The following RPTOR variants were observed in gnomAD, a reference collection of about 807,000 sequenced individuals.
RPTOR encodes the protein regulatory-associated protein of mTOR.
Under a neutral mutation model 169.9 loss-of-function variants are expected in RPTOR, and 21 were observed. The observed-to-expected ratio is 0.12, with a 90% CI of 0.09 to 0.18. The LOEUF (loss-of-function observed/expected upper bound fraction) is 0.18. RPTOR is among the 10% of genes least tolerant of loss of function. The pLI is 1.00. For missense variants in RPTOR, 1,133 were observed against 1,855.9 expected, an observed-to-expected ratio of 0.61 and a Z score of 7.16; for synonymous variants, 732 against 753.2, an observed-to-expected ratio of 0.97 and a Z score of 0.46.
intron 13 of RPTOR, among the ~76,000 whole-genome samples, chr17:80,868,723 T>C (rs1218439103): frequency 1.3e-5 from 2 of 152,206 alleles, no homozygotes; most frequent in Admixed American, 1.3e-4. Context: ...GGGAATAGCC[T>C]AAATATACAT....
chr17:80,574,787 C>T (rs1440243413), intron 1 of RPTOR, among the ~76,000 whole-genome samples: 1 of 151,078 alleles, frequency 6.6e-6, no homozygotes, highest in Non-Finnish European at 1.5e-5. Context: ...TCCCAAGTAG[C>T]TGGGACTACA....
intron 2 of RPTOR, among the ~76,000 whole-genome samples, chr17:80,640,715 A>C (rs2065546644): frequency 1.3e-5 from 2 of 152,120 alleles, no homozygotes; most frequent in Non-Finnish European, 2.9e-5. Flanking sequence ...TCCTGCCAAC[A>C]CTGGGGAGAG....
At chr17:80,740,709 G>A (rs755732967) in intron 5 of RPTOR, among the ~76,000 whole-genome samples, 3 of 151,682 alleles carry the variant, frequency 2.0e-5, no homozygotes, top group Non-Finnish European at 2.9e-5. Flanking sequence ...TCTTTCATGC[G>A]AGAGAAAACA....
At chr17:80,849,405 T>C (rs1239448104) in intron 11 of RPTOR, among the ~76,000 whole-genome samples, 1 of 152,216 alleles carries the variant, frequency 6.6e-6, no homozygotes, top group Non-Finnish European at 1.5e-5. Flanking sequence ...GAACAGGCCC[T>C]TCCTGCTTTC....
At position 80,612,857 on chromosome 17, in the gene RPTOR, G is replaced by T. The variant is rs141294330; in HGVS notation, c.163-12834G>T. ...CACTCCAGCCTGGGAGGCAGAATGA[G>T]ACTTTGTCTCAAAAACAAACAAACA... On this transcript the variant is annotated intron_variant, in intron 1 of 33. Coordinates refer to ENST00000306801, the MANE Select transcript of RPTOR (RefSeq NM_020761.3). Among the ~76,000 whole-genome samples, 29 of 152,308 alleles carry T rather than the reference G, an allele frequency of 1.9e-4. No homozygotes were observed. In the East Asian group the frequency reaches 5.4e-3, roughly 28 times the overall value.
In RPTOR at chr17:80,885,118, G is replaced by A. The variant is rs1444246602; in HGVS notation, c.1953G>A (p.Leu651=). ...DHNVAMMLAQ[L]VSDGSPMVRK... ...ACGTGGCCATGATGCTGGCCCAGCT[G>A]GTCAGCGACGGGAGCCCCATGGTCC... Residue 651 remains leucine, a synonymous_variant, in exon 17 of 34, where the codon CTG becomes CTA. Transcript: ENST00000306801. The A allele has an allele frequency of 1.9e-6, 3 of 1,566,794 alleles. No homozygotes were observed. Among genetic ancestry groups the A allele is most frequent in the Non-Finnish European group, 2.6e-6 (3 of 1,156,074 alleles).
At chr17:80,792,872 T>C (rs1464573245) in intron 7 of RPTOR, among the ~76,000 whole-genome samples, 1 of 152,074 alleles carries the variant, frequency 6.6e-6, no homozygotes, top group Non-Finnish European at 1.5e-5. Context: ...ACCTGTAACG[T>C]ATATATTGCC....
chr17:80,921,826 C>T (rs966763877), intron 21 of RPTOR, among the ~76,000 whole-genome samples: 1 of 152,184 alleles, frequency 6.6e-6, no homozygotes, highest in African/African-American at 2.4e-5. Context: ...CCATCCCCTT[C>T]CCCTGCCAGT....
At chr17:80,918,470 G>A (rs1424913049) in intron 21 of RPTOR, among the ~76,000 whole-genome samples, 1 of 101,694 alleles carries the variant, frequency 9.8e-6, no homozygotes, top group African/African-American at 3.7e-5. Flanking sequence ...CACCCTCGCC[G>A]GAGTCATAGC....
rs79223664 is a variant in RPTOR, at chr17:80,721,479, A to G, written c.508-9081A>G. Among the ~76,000 whole-genome samples the G allele has an allele frequency of 5.6e-3, 841 of 151,482 alleles. 54 individuals carry two copies. Among genetic ancestry groups the G allele is most frequent in the African/African-American group, 0.02 (809 of 40,764 alleles). On this transcript the variant is annotated intron_variant, in intron 4 of 33. Transcript: ENST00000306801. This position sits in a 1 kb window ranked among gnomAD's most constrained non-coding sequence, Gnocchi z 4.7. Reference sequence around the variant, plus strand: ...TGCTGGCTCTTCCTGCTGCGTGTGCATCTGGCCCTGGAAAGAGGCACACCC... The same window carrying G: ...TGCTGGCTCTTCCTGCTGCGTGTGCGTCTGGCCCTGGAAAGAGGCACACCC...
In RPTOR at chr17:80,553,663, T is replaced by G. The variant is rs545849563; in HGVS notation, c.162+7872T>G. 9.4e-4 allele frequency among the ~76,000 whole-genome samples: 143 copies of G among 152,272 alleles called. 1 individual carries two copies. Among genetic ancestry groups the G allele is most frequent in the African/African-American group, 3.4e-3 (141 of 41,548 alleles). On this transcript the variant is annotated intron_variant, in intron 1 of 33. Coordinates refer to ENST00000306801, the MANE Select transcript of RPTOR (RefSeq NM_020761.3). ...ATCCATGATATTATAAAATCATCCATAGGTAAAAGATCCGTTCAATGTTAG... is the reference window on the plus strand; with the variant it reads ...ATCCATGATATTATAAAATCATCCAGAGGTAAAAGATCCGTTCAATGTTAG...
rs550266293 is a variant in RPTOR, at chr17:80,787,046, G to A, written c.831-4404G>A. Among the ~76,000 whole-genome samples, 7 of 152,260 alleles carry A rather than the reference G, an allele frequency of 4.6e-5. No individual in the cohort carries two copies. The South Asian group carries it at 8.3e-4, about 18-fold the overall frequency. On this transcript the variant is annotated intron_variant, in intron 6 of 33. Transcript: ENST00000306801. Reference sequence around the variant, plus strand: ...ATGACCTGCGCCCACCACGCAGGGCGCCCTTGATGCACACGCACCTGCCGC... The same window carrying A: ...ATGACCTGCGCCCACCACGCAGGGCACCCTTGATGCACACGCACCTGCCGC...
intron 7 of RPTOR, among the ~76,000 whole-genome samples, chr17:80,793,468 C>T (rs914732174): frequency 2.0e-5 from 3 of 152,334 alleles, no homozygotes; most frequent in South Asian, 4.1e-4. Context: ...CTCCCTGTGG[C>T]TATTTCCATG....
chr17:80,844,995 A>C lies in RPTOR; in HGVS notation c.1213-1478A>C, dbSNP rs1199826242. On this transcript the variant is annotated intron_variant, in intron 10 of 33. Coordinates refer to ENST00000306801, the MANE Select transcript of RPTOR (RefSeq NM_020761.3). The surrounding 1 kb of genome is among the most constrained non-coding windows in gnomAD (Gnocchi z 4.7). ...GTAGTTGTTTTTTTTTTTTTCTTTA[A>C]TTCTTTGTATCGGGGGCTCAGGGAA... Among the ~76,000 whole-genome samples the C allele has an allele frequency of 7.0e-6, 1 of 143,376 alleles. No individual in the cohort carries two copies. Among genetic ancestry groups the C allele is most frequent in the Non-Finnish European group, 1.5e-5 (1 of 64,810 alleles). 94.1% of individuals were successfully genotyped at this position (143,376 alleles called of 152,430 possible).
chr17:80,919,849 G>C (rs2068723583), intron 21 of RPTOR, among the ~76,000 whole-genome samples: 1 of 152,224 alleles, frequency 6.6e-6, no homozygotes, highest in South Asian at 2.1e-4. Flanking sequence ...GTCCTCTCTG[G>C]ACGCAGACCT....
intron 3 of RPTOR, among the ~76,000 whole-genome samples, chr17:80,694,772 T>A (rs1240379505): frequency 6.6e-6 from 1 of 152,188 alleles, no homozygotes; most frequent in Non-Finnish European, 1.5e-5. Context: ...AGCTCCTGCC[T>A]CCATCCACCC....
intron 3 of RPTOR, among the ~76,000 whole-genome samples, chr17:80,671,231 T>A (rs1364501848): frequency 6.6e-6 from 1 of 152,222 alleles, no homozygotes; most frequent in African/African-American, 2.4e-5. Context: ...GTCCTTGTGC[T>A]GCCCGGCAGC....
At chr17:80,667,293 C>T (rs958920467) in intron 3 of RPTOR, among the ~76,000 whole-genome samples, 2 of 152,128 alleles carry the variant, frequency 1.3e-5, no homozygotes, top group African/African-American at 4.8e-5. Context: ...GACGTCTGAG[C>T]TGGGAGCGAA....
chr17:80,634,233 G>A (rs1469467989), intron 2 of RPTOR, among the ~76,000 whole-genome samples: 2 of 131,922 alleles, frequency 1.5e-5, no homozygotes, highest in Non-Finnish European at 3.2e-5. Context: ...TGTGTGTACT[G>A]TGTGTGCGTG....
Sources: gnomAD v4.1 joint callset for allele counts (sites outside exome capture counted in the v4.1 genomes callset) on GRCh38, gnomAD v4.1.1 for gene constraint, Gnocchi (gnomAD v3.1) non-coding constraint, MANE v1.5 for transcripts, NCBI Gene and HGNC (gene_info 2026-07-23, HGNC 2026-07-21) for gene names.